Variants in COL5A1 observed in about 807,000 individuals in gnomAD.
The protein encoded by COL5A1 is collagen type V alpha 1 chain, also known as collagen alpha-1(V) chain.
Under a neutral mutation model 263.7 loss-of-function variants are expected in COL5A1, and 16 were observed. That is an observed-to-expected ratio of 0.06 (90% CI 0.04 to 0.09). COL5A1 has a LOEUF of 0.09. Ranked by LOEUF, COL5A1 falls within the 10% of genes least tolerant of loss-of-function variation. The pLI is 1.00. For missense variants in COL5A1, 2,036 were observed against 2,540.5 expected (o/e 0.80, Z 4.27); for synonymous variants, 1,012 against 1,004.5 (o/e 1.01, Z -0.14).
Position 134,815,951 on chromosome 9 carries a change from C to G in COL5A1, c.4085C>G (p.Pro1362Arg), listed in dbSNP as rs1170899907. Residue 1362 changes from proline (P) to arginine (R), a missense_variant, in exon 52 of 66, where the codon CCT becomes CGT. Coordinates refer to ENST00000371817, the MANE Select transcript of COL5A1 (RefSeq NM_000093.5). Reference sequence around the variant, plus strand: ...CCTCCATAGGGTCAAGATGGTCCCCCTGGTGACAAAGGAGATGATGGTGAA... The same window carrying G: ...CCTCCATAGGGTCAAGATGGTCCCCGTGGTGACAAAGGAGATGATGGTGAA... ...EPGPAGQDGP[P>R]GDKGDDGEPG... is the part of the protein sequence containing the mutation. The G allele has an allele frequency of 1.2e-6, 2 of 1,614,130 alleles. No homozygotes were observed. Among genetic ancestry groups the G allele is most frequent in the South Asian group, 1.1e-5 (1 of 91,072 alleles).
At chr9:134,694,766 C>T (rs1423605743) in intron 2 of COL5A1, among the ~76,000 whole-genome samples, 5 of 152,102 alleles carry the variant, frequency 3.3e-5, no homozygotes, top group East Asian at 1.9e-4. Context: ...GCCAGTGAAG[C>T]GGGGAGGGTT....
chr9:134,820,142 C>T lies in COL5A1; in HGVS notation c.4473C>T (p.Ile1491=), dbSNP rs537768945. Residue 1491 remains isoleucine, a synonymous_variant, in exon 58 of 66, where the codon ATC becomes ATT. Coordinates refer to ENST00000371817, the MANE Select transcript of COL5A1 (RefSeq NM_000093.5). ...EKGHPGLIGL[I]GPPGEQGEKG... ...GTCATCCAGGCCTGATCGGGCTCAT[C>T]GGTCCTCCGGGTGAACAGGGTGAGA... is the stretch of plus-strand genomic sequence containing the variant. 602 of 1,613,978 alleles carry T rather than the reference C, an allele frequency of 3.7e-4. 12 individuals carry two copies. The South Asian group carries it at 4.1e-3, about 11-fold the overall frequency.
In COL5A1 at chr9:134,822,985, C is replaced by T; in HGVS notation, c.4609-13C>T. On this transcript the variant is annotated splice_polypyrimidine_tract_variant and intron_variant, in intron 59 of 65. Transcript: ENST00000371817. ...ACCCGGCTTGCTGACGTTCTGCCCTCCTCTCTCTGCAGGGTCCGCCTGGTC... is the reference window on the plus strand; with the variant it reads ...ACCCGGCTTGCTGACGTTCTGCCCTTCTCTCTCTGCAGGGTCCGCCTGGTC... The T allele has an allele frequency of 6.8e-6, 11 of 1,614,096 alleles. No individual in the cohort carries two copies. Among genetic ancestry groups the T allele is most frequent in the Non-Finnish European group, 9.3e-6 (11 of 1,180,006 alleles).
intron 11 of COL5A1, among the ~76,000 whole-genome samples, chr9:134,749,276 T>C (rs1424145098): frequency 6.6e-6 from 1 of 152,176 alleles, no homozygotes; most frequent in Non-Finnish European, 1.5e-5. Flanking sequence ...CCACACAGCC[T>C]CATAGTGATG....
At chr9:134,798,318 A>C (rs2132811380) in intron 36 of COL5A1, 90 bp from the exon 37 acceptor site, 2 of 1,208,886 alleles carry the variant, frequency 1.7e-6, no homozygotes, top group Non-Finnish European at 2.5e-6. Flanking sequence ...GGAGCCATGG[A>C]AATAACGGTC....
intron 43 of COL5A1, 49 bp from the exon 44 acceptor site, chr9:134,810,206 C>A: frequency 1.2e-6 from 2 of 1,600,116 alleles, no homozygotes; most frequent in Non-Finnish European, 1.7e-6. Flanking sequence ...CAGAAAAGGT[C>A]CAAACGGTTG....
At chr9:134,644,592 G>C (rs531587931) in intron 1 of COL5A1, among the ~76,000 whole-genome samples, 3 of 137,824 alleles carry the variant, frequency 2.2e-5, no homozygotes, top group Admixed American at 1.4e-4. Flanking sequence ...GCAGGCGCGG[G>C]GGGGAGCCAC....
At chr9:134,785,554 T>C (rs57066868) in intron 30 of COL5A1, among the ~76,000 whole-genome samples, 12,529 of 152,176 alleles carry the variant, frequency 0.082, 783 homozygotes, top group African/African-American at 0.17. Context: ...GGGAGGCTCC[T>C]GGGCCAGCCA....
chr9:134,831,865 G>A lies in COL5A1; in HGVS notation c.5136+1821G>A, dbSNP rs1244951664. ...TTAATGAAGGTTGGGGTGAAGGGAC[G>A]ACCCAGGGAACACATCAGCTTACTT... On this transcript the variant is annotated intron_variant, in intron 64 of 65. Coordinates refer to ENST00000371817, the MANE Select transcript of COL5A1 (RefSeq NM_000093.5). Among the ~76,000 whole-genome samples, 3 of 152,140 alleles carry A rather than the reference G, an allele frequency of 2.0e-5. No individual in the cohort carries two copies. In the East Asian group the frequency reaches 5.8e-4, roughly 29 times the overall value.
At chr9:134,679,334 C>G (rs1322126694) in intron 1 of COL5A1, among the ~76,000 whole-genome samples, 3 of 114,554 alleles carry the variant, frequency 2.6e-5, no homozygotes, top group Non-Finnish European at 5.3e-5. Context: ...CACTGCAGGG[C>G]TTATTAGGGG....
intron 1 of COL5A1, among the ~76,000 whole-genome samples, chr9:134,666,055 C>G (rs1832345155): frequency 6.6e-6 from 1 of 152,062 alleles, no homozygotes; most frequent in Non-Finnish European, 1.5e-5. Context: ...CCACTGCACT[C>G]CAGCCTGGGT....
chr9:134,659,409 A>C (rs1355424835), intron 1 of COL5A1, among the ~76,000 whole-genome samples: 1 of 152,158 alleles, frequency 6.6e-6, no homozygotes, highest in Non-Finnish European at 1.5e-5. Flanking sequence ...AATCATAATC[A>C]TAAAAAAGCC....
At chr9:134,674,547 T>C (rs911329131) in intron 1 of COL5A1, among the ~76,000 whole-genome samples, 5 of 151,916 alleles carry the variant, frequency 3.3e-5, no homozygotes, top group African/African-American at 1.2e-4. Flanking sequence ...GTGTGGAGGG[T>C]ACAGCACTAT....
intron 19 of COL5A1, among the ~76,000 whole-genome samples, chr9:134,762,584 T>C (rs12552497): frequency 0.13 from 20,008 of 152,170 alleles, 2,265 homozygotes; most frequent in African/African-American, 0.29. Flanking sequence ...CACAGTGGGA[T>C]TGGGGCATGG....
At position 134,655,132 on chromosome 9, in the gene COL5A1, G is replaced by A. The variant is rs562873861; in HGVS notation, c.109+12836G>A. 6.1e-5 allele frequency among the ~76,000 whole-genome samples: 9 copies of A among 147,904 alleles called. No homozygotes were observed. The East Asian group carries it at 1.8e-3, about 30-fold the overall frequency. On this transcript the variant is annotated intron_variant, in intron 1 of 65. Transcript: ENST00000371817. The stretch of plus-strand genomic sequence containing the variant: ...GGCTGGGGGTGTGTAGGGCTGGTGT[G>A]TGTAGGGCTGGAGGTGTGTAGGGCT...
chr9:134,822,976 T>C, intron 59 of COL5A1, 22 bp from the exon 60 acceptor site: 3 of 1,613,906 alleles, frequency 1.9e-6, no homozygotes, highest in Non-Finnish European at 2.5e-6. Context: ...CTTGCTGACG[T>C]TCTGCCCTCC....
In COL5A1 at chr9:134,754,341, T is replaced by C; in HGVS notation, c.1827+15T>C. 1.9e-6 allele frequency: 3 copies of C among 1,613,578 alleles called. No homozygotes were observed. The South Asian group carries it at 3.3e-5, about 18-fold the overall frequency. On this transcript the variant is annotated intron_variant, in intron 16 of 65. Coordinates refer to ENST00000371817, the MANE Select transcript of COL5A1 (RefSeq NM_000093.5). The surrounding 1 kb of genome is among the most constrained non-coding windows in gnomAD (Gnocchi z 4.3). ...CCGGAAGACGGGTGAGTGGTGCGAG[T>C]GTGTGTGGTTTAGTGACAGCAGCTT...
chr9:134,804,282 C>G (rs1014356607), intron 39 of COL5A1, among the ~76,000 whole-genome samples: 1 of 152,182 alleles, frequency 6.6e-6, no homozygotes, highest in African/African-American at 2.4e-5. Context: ...TTGAAAACAG[C>G]ACTGTGCTCC....
At chr9:134,725,735 C>T (rs1299832862) in intron 4 of COL5A1, among the ~76,000 whole-genome samples, 1 of 152,176 alleles carries the variant, frequency 6.6e-6, no homozygotes, top group African/African-American at 2.4e-5. Flanking sequence ...TCCGAAAGTT[C>T]AGTTGTTAGC....
Sources: gnomAD v4.1 joint callset for allele counts (sites outside exome capture counted in the v4.1 genomes callset) on GRCh38, gnomAD v4.1.1 for gene constraint, Gnocchi (gnomAD v3.1) non-coding constraint, MANE v1.5 for transcripts, NCBI Gene and HGNC (gene_info 2026-07-23, HGNC 2026-07-21) for gene names.